OPCML: variants seen among roughly 807,000 people sequenced by gnomAD.
The protein encoded by OPCML is opioid-binding protein/cell adhesion molecule.
A neutral mutation model predicts 37.8 loss-of-function variants in OPCML; 13 were observed. That is an observed-to-expected ratio of 0.34 (90% confidence interval 0.22 to 0.55). OPCML has a LOEUF of 0.55. Among genes scored for constraint, OPCML ranks in the 20% least tolerant of loss-of-function variants. The probability of loss-of-function intolerance (pLI) is 0.91; values close to 1 mark genes in which losing one functional copy is unlikely to be tolerated. For missense variants in OPCML, 341 were observed against 435.6 expected (o/e 0.78, Z 1.93); for synonymous variants, 176 against 168.8 (o/e 1.04, Z -0.33).
At chr11:133,029,728 G>A (rs908265086) in intron 1 of OPCML, among the ~76,000 whole-genome samples, 5 of 151,964 alleles carry the variant, frequency 3.3e-5, no homozygotes, top group Non-Finnish European at 7.4e-5. Flanking sequence ...AAAGTGTGAG[G>A]GGCAAGTGTT....
chr11:132,543,693 T>C (rs1175790228), intron 3 of OPCML, among the ~76,000 whole-genome samples: 2 of 152,156 alleles, frequency 1.3e-5, no homozygotes, highest in Non-Finnish European at 2.9e-5. Context: ...GGGTGTAGCA[T>C]ACACAGTAAT....
chr11:132,435,177 G>A (rs1435916224), intron 7 of OPCML: 5 of 1,289,612 alleles, frequency 3.9e-6, no homozygotes, highest in Admixed American at 4.6e-5. Flanking sequence ...GCTGATGAGG[G>A]GCTTATTTCT....
intron 1 of OPCML, among the ~76,000 whole-genome samples, chr11:132,994,277 C>T (rs1435238078): frequency 6.6e-6 from 1 of 152,170 alleles, no homozygotes; most frequent in African/African-American, 2.4e-5. Context: ...GGCCGGAACT[C>T]GGGCTATTAA....
At chr11:132,507,131 G>A (rs947592700) in intron 4 of OPCML, among the ~76,000 whole-genome samples, 1 of 150,518 alleles carries the variant, frequency 6.6e-6, no homozygotes. Context: ...AAATTATACT[G>A]ATAAAAGAAG....
chr11:133,312,806 A>G (rs1338113360), intron 1 of OPCML, among the ~76,000 whole-genome samples: 6 of 152,270 alleles, frequency 3.9e-5, no homozygotes, highest in Admixed American at 3.9e-4. Context: ...CATGATAAAA[A>G]GTAATATAAA....
intron 1 of OPCML, among the ~76,000 whole-genome samples, chr11:133,146,671 G>T (rs944370928): frequency 2.0e-5 from 3 of 151,886 alleles, no homozygotes; most frequent in African/African-American, 7.3e-5. Context: ...TGTTGGCCAG[G>T]CTGGGTCTTG....
intron 1 of OPCML, among the ~76,000 whole-genome samples, chr11:133,530,298 C>T (rs115965018): frequency 1.3e-3 from 194 of 152,358 alleles, no homozygotes; most frequent in African/African-American, 4.4e-3. Flanking sequence ...TCCTTCAGGG[C>T]GCGCTGCAAT....
chr11:132,673,953 C>G (rs1942587088), intron 2 of OPCML, among the ~76,000 whole-genome samples: 1 of 152,162 alleles, frequency 6.6e-6, no homozygotes. Flanking sequence ...CTGAGGCCTT[C>G]CTACTTCTGT....
intron 1 of OPCML, among the ~76,000 whole-genome samples, chr11:133,260,800 A>T (rs1415705125): frequency 6.6e-6 from 1 of 152,072 alleles, no homozygotes; most frequent in East Asian, 1.9e-4. Flanking sequence ...GAATCCACGT[A>T]CTCTGCTTCC....
intron 3 of OPCML, among the ~76,000 whole-genome samples, chr11:132,624,900 G>A (rs1238351714): frequency 6.6e-6 from 1 of 152,020 alleles, no homozygotes; most frequent in Non-Finnish European, 1.5e-5. Flanking sequence ...CAGTTAAATT[G>A]GAATTTCAGA....
chr11:132,867,948 A>G (rs1942638624), intron 2 of OPCML, among the ~76,000 whole-genome samples: 1 of 152,180 alleles, frequency 6.6e-6, no homozygotes, highest in Non-Finnish European at 1.5e-5. Flanking sequence ...CTCAGTCTGC[A>G]TGCAGAGAAG....
In OPCML at chr11:132,431,225, T is replaced by C. The variant is rs186660318; in HGVS notation, c.916+4861A>G. Among the ~76,000 whole-genome samples the C allele has an allele frequency of 5.9e-5, 9 of 152,342 alleles. No individual in the cohort carries two copies. The East Asian group carries it at 1.4e-3, about 23-fold the overall frequency. On this transcript the variant is annotated intron_variant, in intron 7 of 7. Transcript: ENST00000524381. ...TTGGAGACCTGTTCCTTGCCTTTTG[T>C]TCCCATTGTTTCCCAAATTCAGCCC... is the stretch of plus-strand genomic sequence containing the variant.
chr11:133,283,952 C>G (rs988396480), intron 1 of OPCML, among the ~76,000 whole-genome samples: 14 of 152,260 alleles, frequency 9.2e-5, no homozygotes, highest in Admixed American at 2.0e-4. Flanking sequence ...CGCTTCCCCC[C>G]CCAGTACCTA....
intron 1 of OPCML, among the ~76,000 whole-genome samples, chr11:132,964,929 T>A (rs1456763835): frequency 6.6e-6 from 1 of 152,174 alleles, no homozygotes; most frequent in Non-Finnish European, 1.5e-5. Flanking sequence ...CAGACCTAGG[T>A]CATTTACTTC....
intron 2 of OPCML, among the ~76,000 whole-genome samples, chr11:132,865,564 G>C (rs1030809150): frequency 6.6e-6 from 1 of 152,186 alleles, no homozygotes; most frequent in Non-Finnish European, 1.5e-5. Context: ...CCTGAATCCA[G>C]CTTACTGTTT....
At chr11:133,238,902 A>T (rs181000938) in intron 1 of OPCML, among the ~76,000 whole-genome samples, 1 of 152,226 alleles carries the variant, frequency 6.6e-6, no homozygotes, top group African/African-American at 2.4e-5. Context: ...CAAAGTCCCT[A>T]CCACAGGCAG....
chr11:132,816,275 A>G (rs1382017349), intron 2 of OPCML, among the ~76,000 whole-genome samples: 2 of 152,128 alleles, frequency 1.3e-5, no homozygotes, highest in Non-Finnish European at 2.9e-5. Flanking sequence ...TGTTTTTGTA[A>G]AGGGCCAGAT....
chr11:132,558,743 C>T (rs11223120), intron 3 of OPCML, among the ~76,000 whole-genome samples: 95,735 of 151,300 alleles, frequency 0.63, 30,700 homozygotes, highest in African/African-American at 0.72. Context: ...AATGGCATAG[C>T]AGTGGCTGCC....
At chr11:133,075,780 A>G (rs1948612117) in intron 1 of OPCML, among the ~76,000 whole-genome samples, 1 of 152,168 alleles carries the variant, frequency 6.6e-6, no homozygotes, top group South Asian at 2.1e-4. Flanking sequence ...AGAGCAGGAG[A>G]CCCAGGCCTA....
Sources: gnomAD v4.1 joint callset for allele counts (sites outside exome capture counted in the v4.1 genomes callset) on GRCh38, gnomAD v4.1.1 for gene constraint, MANE v1.5 for transcripts, NCBI Gene and HGNC (gene_info 2026-07-23, HGNC 2026-07-21) for gene names.